Variants in MAOA observed in about 807,000 individuals in gnomAD.
MAOA encodes the protein monoamine oxidase A.
Under a neutral mutation model 42.0 loss-of-function variants are expected in MAOA, and 6 were observed. The observed-to-expected ratio is 0.14, with a 90% CI of 0.08 to 0.28. The LOEUF is 0.28. Among genes scored for constraint, MAOA ranks in the 10% least tolerant of loss-of-function variants. The pLI is 1.00. For synonymous variants in MAOA, 140 were observed against 154.0 expected, an observed-to-expected ratio of 0.91 and a Z score of 0.67; for missense variants, 262 against 422.3, an observed-to-expected ratio of 0.62 and a Z score of 3.33.
intron 3 of MAOA, among the ~76,000 whole-genome samples, chrX:43,706,624 C>A (rs868714372): frequency 9.5e-6 from 1 of 104,874 alleles, no homozygotes; most frequent in African/African-American, 3.8e-5. Flanking sequence ...ATCTCTACAA[C>A]ATAAATAAAT....
Position 43,731,678 on chromosome X carries a change from C to T in MAOA, c.796-16C>T. The stretch of plus-strand genomic sequence containing the variant: ...AGCTCACATTTGAGGTAATATTTTG[C>T]TTGTGTGTGTTTTAGTGCAAATACG... On this transcript the variant is annotated splice_polypyrimidine_tract_variant and intron_variant, in intron 7 of 14. Transcript: ENST00000338702. 1 of 1,207,431 alleles carries T rather than the reference C, an allele frequency of 8.3e-7. No individual in the cohort carries two copies. The highest frequency in any genetic ancestry group is 1.1e-6 in the Non-Finnish European group (1 of 891,727).
intron 1 of MAOA, among the ~76,000 whole-genome samples, chrX:43,660,846 G>A (rs993372198): frequency 4.5e-5 from 5 of 111,744 alleles, no homozygotes; most frequent in Admixed American, 9.5e-5. Flanking sequence ...GAAAACTAGC[G>A]GTGGAAGATT....
chrX:43,663,303 A>C (rs2033250233), intron 1 of MAOA, among the ~76,000 whole-genome samples: 1 of 111,974 alleles, frequency 8.9e-6, no homozygotes, highest in South Asian at 3.7e-4. Flanking sequence ...GACTTTGTTT[A>C]AAACCCTTTT....
At position 43,712,023 on chromosome X, in the gene MAOA, A is replaced by G. The variant is rs371646948; in HGVS notation, c.411+47A>G. 7.3e-5 allele frequency: 64 copies of G among 881,937 alleles called. No individual in the cohort carries two copies. The African/African-American group carries it at 1.1e-3, about 15-fold the overall frequency. The allele number at this position is 881,937 out of a possible 1,213,427, so 72.7% of individuals were successfully genotyped here. On this transcript the variant is annotated intron_variant, in intron 4 of 14. Coordinates refer to ENST00000338702, the MANE Select transcript of MAOA (RefSeq NM_000240.4). ...CACATGACCCATTACTGAAATAACAATGGCAACTGTTTAATATCCTTCCAT... is the reference window on the plus strand; with the variant it reads ...CACATGACCCATTACTGAAATAACAGTGGCAACTGTTTAATATCCTTCCAT...
intron 1 of MAOA, among the ~76,000 whole-genome samples, chrX:43,666,215 G>A (rs144722672): frequency 6.2e-5 from 7 of 112,025 alleles, no homozygotes; most frequent in African/African-American, 2.3e-4. Flanking sequence ...ACACATTTCT[G>A]TTTTTTCATA....
rs754172029 is a variant in MAOA, at chrX:43,693,310, T to C, written c.188T>C (p.Val63Ala). 6.6e-6 allele frequency: 8 copies of C among 1,211,003 alleles called. No homozygotes were observed. The highest frequency in any genetic ancestry group is 2.2e-5 in the Admixed American group (1 of 46,060). Reference protein sequence around the residue: ...YTIRNEHVDYVDVGGAYVGPT... With the variant: ...YTIRNEHVDYADVGGAYVGPT... ...TTGCAGAATGAGCATGTTGATTACG[T>C]AGATGTTGGTGGAGCTTATGTGGGA... Residue 63 changes from valine to alanine, a missense_variant, in exon 3 of 15, where the codon GTA becomes GCA. Val to Ala is a moderately conservative substitution (Grantham distance 64, BLOSUM62 0). Coordinates refer to ENST00000338702, the MANE Select transcript of MAOA (RefSeq NM_000240.4).
chrX:43,696,159 A>G lies in MAOA; in HGVS notation c.306+2731A>G, dbSNP rs758636015. 7.1e-5 allele frequency among the ~76,000 whole-genome samples: 8 copies of G among 111,940 alleles called. No individual in the cohort carries two copies. The South Asian group carries it at 2.7e-3, about 37-fold the overall frequency. ...TAGGTGCCTAAGTAAGGAAATGTTA[A>G]GAGTAGCATCCAGGGTCCCTTTTTT... On this transcript the variant is annotated intron_variant, in intron 3 of 14. Coordinates refer to ENST00000338702, the MANE Select transcript of MAOA (RefSeq NM_000240.4).
rs1032427387 is a variant in MAOA, at chrX:43,666,427, A to T, written c.73+10013A>T. Among the ~76,000 whole-genome samples the T allele has an allele frequency of 3.6e-5, 4 of 111,113 alleles. No homozygotes were observed. In the South Asian group the frequency reaches 1.5e-3, roughly 42 times the overall value. ...ATACACCACATCCATTCCAGCAGCA[A>T]ATCCTATTGGCTGTAGCCTCAAAAT... On this transcript the variant is annotated intron_variant, in intron 1 of 14. Transcript: ENST00000338702.
At chrX:43,713,352 G>A (rs2033713670) in intron 5 of MAOA, among the ~76,000 whole-genome samples, 1 of 111,413 alleles carries the variant, frequency 9.0e-6, no homozygotes, top group Non-Finnish European at 1.9e-5. Context: ...AGGAGGGAGA[G>A]CATCACGATA....
At chrX:43,734,910 T>G (rs2033908813) in intron 9 of MAOA, among the ~76,000 whole-genome samples, 1 of 69,133 alleles carries the variant, frequency 1.4e-5, no homozygotes, top group Admixed American at 1.8e-4. Context: ...TTATCAGATA[T>G]TGATGATTAA....
At chrX:43,738,351 C>A (rs1191720654) in intron 10 of MAOA, among the ~76,000 whole-genome samples, 1 of 111,922 alleles carries the variant, frequency 8.9e-6, no homozygotes, top group African/African-American at 3.3e-5. Flanking sequence ...AGATAATTTC[C>A]TATGTTTGTG....
intron 3 of MAOA, among the ~76,000 whole-genome samples, chrX:43,694,636 A>G: frequency 9.0e-6 from 1 of 111,094 alleles, no homozygotes; most frequent in East Asian, 2.8e-4. Flanking sequence ...AAAAGGAAAA[A>G]CCCCTTTGCT....
chrX:43,717,665 TG>T (rs1421056788), intron 5 of MAOA, among the ~76,000 whole-genome samples: 1 of 108,911 alleles, frequency 9.2e-6, no homozygotes, highest in Non-Finnish European at 1.9e-5. Flanking sequence ...GCCACACTGG[TG>T]GGGTTGTGGG....
chrX:43,709,560 A>C (rs1347750369), intron 3 of MAOA, among the ~76,000 whole-genome samples: 2 of 111,142 alleles, frequency 1.8e-5, no homozygotes, highest in Non-Finnish European at 1.9e-5. Context: ...TTTTTAATAA[A>C]ATTTTTTTCC....
At chrX:43,666,720 A>G (rs1027585999) in intron 1 of MAOA, among the ~76,000 whole-genome samples, 3 of 110,249 alleles carry the variant, frequency 2.7e-5, no homozygotes, top group African/African-American at 9.9e-5. Flanking sequence ...TTAGACCAAA[A>G]CCTAGAGTTT....
At chrX:43,706,445 T>C (rs1278446724) in intron 3 of MAOA, among the ~76,000 whole-genome samples, 1 of 111,109 alleles carries the variant, frequency 9.0e-6, no homozygotes, top group Non-Finnish European at 1.9e-5. Flanking sequence ...TTTCTGTATA[T>C]AACTAGAATC....
At chrX:43,681,866 A>C (rs928204212) in intron 1 of MAOA, among the ~76,000 whole-genome samples, 5 of 87,590 alleles carry the variant, frequency 5.7e-5, no homozygotes, top group Admixed American at 1.3e-4. Context: ...CAATAGCACT[A>C]TATATATATA....
intron 5 of MAOA, among the ~76,000 whole-genome samples, chrX:43,713,976 G>A (rs1047690136): frequency 1.8e-5 from 2 of 111,434 alleles, no homozygotes; most frequent in East Asian, 5.7e-4. Context: ...AAGTCATGGG[G>A]CAGGAGAAAG....
chrX:43,667,441 G>A (rs148671378), intron 1 of MAOA, among the ~76,000 whole-genome samples: 2 of 111,526 alleles, frequency 1.8e-5, no homozygotes, highest in African/African-American at 6.5e-5. Flanking sequence ...TGGGTGAATA[G>A]ATGAAGGAAT....
Sources: gnomAD v4.1 joint callset for allele counts (sites outside exome capture counted in the v4.1 genomes callset) on GRCh38, gnomAD v4.1.1 for gene constraint, MANE v1.5 for transcripts, NCBI Gene and HGNC (gene_info 2026-07-23, HGNC 2026-07-21) for gene names.